The following OTUD7A variants were observed in gnomAD, a reference collection of about 807,000 sequenced individuals.
The protein encoded by OTUD7A is OTU domain-containing protein 7A.
In OTUD7A, 12 loss-of-function variants were observed where a neutral mutation model predicts 65.7. The observed-to-expected ratio is 0.18, with a 90% CI of 0.12 to 0.30. The LOEUF (loss-of-function observed/expected upper bound fraction) is 0.30. Among genes scored for constraint, OTUD7A ranks in the 10% least tolerant of loss-of-function variants. OTUD7A has a pLI of 1.00. For missense variants in OTUD7A, 1,148 were observed against 1,304.8 expected (o/e 0.88, Z 1.85); for synonymous variants, 641 against 586.3 (o/e 1.09, Z -1.35).
chr15:31,539,926 T>G (rs1263528628), intron 5 of OTUD7A, among the ~76,000 whole-genome samples: 3 of 152,240 alleles, frequency 2.0e-5, no homozygotes, highest in Non-Finnish European at 4.4e-5. Context: ...TCTATAGTCT[T>G]ACAATGGAGA....
intron 8 of OTUD7A, among the ~76,000 whole-genome samples, chr15:31,524,676 G>A (rs1375285488): frequency 3.3e-5 from 5 of 152,202 alleles, no homozygotes; most frequent in Admixed American, 2.0e-4. Flanking sequence ...GCCATTCCCC[G>A]GGTTCTTCCT....
At chr15:31,652,422 T>C (rs1343127142) in intron 3 of OTUD7A, among the ~76,000 whole-genome samples, 2 of 152,198 alleles carry the variant, frequency 1.3e-5, no homozygotes, top group African/African-American at 2.4e-5. Flanking sequence ...CTTCATGACC[T>C]GGAGTTATGC....
rs111846689 is a variant in OTUD7A at position 31,565,578 on chromosome 15, G to A, written c.331+4440C>T. On this transcript the variant is annotated intron_variant, in intron 4 of 12. Transcript: ENST00000307050. ...CTCAGAATTATAATTTTAAGGTTTA[G>A]ATGGCAAAATAAATATTCAAAAACA... Among the ~76,000 whole-genome samples the A allele has an allele frequency of 4.9e-3, 740 of 152,202 alleles. 3 individuals are homozygous for A. Among genetic ancestry groups the A allele is most frequent in the African/African-American group, 0.017 (712 of 41,536 alleles).
At chr15:31,592,914 T>G (rs1304632194) in intron 3 of OTUD7A, among the ~76,000 whole-genome samples, 1 of 55,694 alleles carries the variant, frequency 1.8e-5, no homozygotes, top group Non-Finnish European at 2.9e-5. Context: ...AATATATATA[T>G]ATATATATAT....
chr15:31,771,587 C>T (rs1423849211), intron 1 of OTUD7A, among the ~76,000 whole-genome samples: 1 of 152,138 alleles, frequency 6.6e-6, no homozygotes, highest in African/African-American at 2.4e-5. Context: ...TACTATCATC[C>T]CTTACTTGAA....
intron 8 of OTUD7A, among the ~76,000 whole-genome samples, chr15:31,513,385 TCA>T (rs150162189): frequency 0.011 from 1,719 of 152,290 alleles, 25 homozygotes; most frequent in Middle Eastern, 0.017. Flanking sequence ...CATCAGGAAT[TCA>T]CACAGTTACA....
intron 10 of OTUD7A, 77 bp downstream of exon 10, chr15:31,501,613 C>T (rs1595560150): frequency 1.1e-5 from 18 of 1,578,650 alleles, no homozygotes; most frequent in African/African-American, 5.4e-5. Context: ...TCCACCTCCC[C>T]GTGCAATGGG....
intron 3 of OTUD7A, among the ~76,000 whole-genome samples, chr15:31,599,333 C>T (rs899544422): frequency 6.6e-6 from 1 of 152,244 alleles, no homozygotes; most frequent in Non-Finnish European, 1.5e-5. Flanking sequence ...CTTTGCTATT[C>T]TGCAGCCTCT....
At chr15:31,767,839 T>C (rs1340088475) in intron 1 of OTUD7A, 3 of 967,050 alleles carry the variant, frequency 3.1e-6, no homozygotes, top group African/African-American at 1.6e-5. Context: ...CTATGCTGTT[T>C]TTTCTCAATT....
At chr15:31,703,881 A>G (rs529746101) in intron 1 of OTUD7A, among the ~76,000 whole-genome samples, 1 of 150,168 alleles carries the variant, frequency 6.7e-6, no homozygotes, top group South Asian at 2.1e-4. Context: ...ACTACTCAGT[A>G]AGGAAAAGGA....
At chr15:31,831,773 G>A (rs1384409739) in intron 1 of OTUD7A, among the ~76,000 whole-genome samples, 1 of 152,212 alleles carries the variant, frequency 6.6e-6, no homozygotes, top group East Asian at 1.9e-4. Context: ...GCAACCCCTG[G>A]CACGGTGAGG....
At chr15:31,717,766 T>C (rs1258787411) in intron 1 of OTUD7A, among the ~76,000 whole-genome samples, 3 of 152,218 alleles carry the variant, frequency 2.0e-5, no homozygotes, top group Non-Finnish European at 4.4e-5. Flanking sequence ...AGTAATGGGA[T>C]TGCTGGGTCA....
chr15:31,501,871 G>A, intron 9 of OTUD7A, 32 bp from the exon 10 acceptor site: 6 of 1,581,514 alleles, frequency 3.8e-6, no homozygotes, highest in Non-Finnish European at 4.3e-6. Context: ...AGGGTGTGAG[G>A]AGCAGCCAGC....
At chr15:31,655,522 A>G (rs1045009975) in intron 2 of OTUD7A, among the ~76,000 whole-genome samples, 5 of 151,616 alleles carry the variant, frequency 3.3e-5, no homozygotes, top group Admixed American at 6.6e-5. Flanking sequence ...CCCAAAATTC[A>G]TATGTTGATA....
intron 1 of OTUD7A, among the ~76,000 whole-genome samples, chr15:31,774,920 T>A (rs1260875583): frequency 6.8e-6 from 1 of 147,036 alleles, no homozygotes; most frequent in Admixed American, 7.0e-5. Flanking sequence ...GGCCATCTCA[T>A]CAGGCAAGGA....
chr15:31,808,137 A>ACACACACACACAC (rs1555420102), intron 1 of OTUD7A, among the ~76,000 whole-genome samples: 1 of 91,468 alleles, frequency 1.1e-5, no homozygotes, highest in East Asian at 6.7e-4. Flanking sequence ...ACACACACAC[A>ACACACACACACAC]AACAAATCCT....
intron 1 of OTUD7A, among the ~76,000 whole-genome samples, chr15:31,788,497 C>T (rs930448582): frequency 1.3e-5 from 2 of 152,144 alleles, no homozygotes; most frequent in Admixed American, 6.5e-5. Flanking sequence ...AACCTAGTTT[C>T]GATGATACAG....
rs187276697 is a variant in OTUD7A at position 31,745,840 on chromosome 15, A to G, written c.-99-88763T>C. 3.0e-3 allele frequency among the ~76,000 whole-genome samples: 461 copies of G among 152,264 alleles called. 5 individuals are homozygous for G. Among genetic ancestry groups the G allele is most frequent in the African/African-American group, 0.011 (446 of 41,520 alleles). ...TAAAAGTCCTATGGCAACAATGAAA[A>G]GGCAGATTATCCAATTTTTTTAAAA... On this transcript the variant is annotated intron_variant, in intron 1 of 12. Transcript: ENST00000307050.
chr15:31,675,294 G>A (rs7183094), intron 1 of OTUD7A, among the ~76,000 whole-genome samples: 8,634 of 152,196 alleles, frequency 0.057, 830 homozygotes, highest in African/African-American at 0.2. Context: ...TGGGGTTCTA[G>A]AGATGCCATT....
Sources: allele counts gnomAD v4.1 joint callset (sites outside exome capture counted in the v4.1 genomes callset), GRCh38; gene constraint gnomAD v4.1.1; transcripts MANE v1.5; gene names NCBI Gene and HGNC (gene_info 2026-07-23, HGNC 2026-07-21).